FRMD4B: variants seen among roughly 807,000 people sequenced by gnomAD.
FRMD4B encodes FERM domain containing 4B.
Under a neutral mutation model 141.5 loss-of-function variants are expected in FRMD4B, and 74 were observed. The ratio of observed to expected loss-of-function variants is 0.52; its 90% CI spans 0.43 to 0.63. The LOEUF (loss-of-function observed/expected upper bound fraction) is 0.63. Ranked by LOEUF, FRMD4B falls within the 30% of genes least tolerant of loss-of-function variation. The pLI is 0.00. For synonymous variants in FRMD4B, 506 were observed against 467.9 expected, an observed-to-expected ratio of 1.08 and a Z score of -1.05; for missense variants, 1,366 against 1,253.4, an observed-to-expected ratio of 1.09 and a Z score of -1.36.
At chr3:69,197,547 CCAGATGGAAAGAGGAA>C (rs1190703033) in intron 12 of FRMD4B, among the ~76,000 whole-genome samples, 2 of 108,042 alleles carry the variant, frequency 1.9e-5, no homozygotes, top group Non-Finnish European at 2.1e-5. Flanking sequence ...TGCTTGTACA[CCAGATGGAAAGAGGAA>C]AGGGGACGGG....
In FRMD4B at chr3:69,482,278, C is replaced by T. The variant is rs544106270; in HGVS notation, c.-128-49517G>A. Among the ~76,000 whole-genome samples, 3 of 152,188 alleles carry T rather than the reference C, an allele frequency of 2.0e-5. No individual in the cohort carries two copies. The South Asian group carries it at 6.2e-4, about 32-fold the overall frequency. On this transcript the variant is annotated intron_variant, in intron 1 of 5. Transcript: ENST00000459638. The stretch of plus-strand genomic sequence containing the variant: ...AGAGTATTTAAAAAATAACCCTAAA[C>T]AGGCATTGTTGCTGAGAGCTTCTCT...
At chr3:69,461,828 T>A (rs1006814977) in intron 1 of FRMD4B, among the ~76,000 whole-genome samples, 1 of 152,094 alleles carries the variant, frequency 6.6e-6, no homozygotes, top group Non-Finnish European at 1.5e-5. Flanking sequence ...TTTTTACCTG[T>A]TGTCTCTGAG....
chr3:69,428,151 C>T (rs1705117104), intron 2 of FRMD4B, among the ~76,000 whole-genome samples: 1 of 151,808 alleles, frequency 6.6e-6, no homozygotes, highest in African/African-American at 2.4e-5. Flanking sequence ...AATACAGAAG[C>T]TCTTCAGAGC....
intron 1 of FRMD4B, among the ~76,000 whole-genome samples, chr3:69,490,320 T>G (rs1426671211): frequency 6.6e-6 from 1 of 152,244 alleles, no homozygotes; most frequent in Non-Finnish European, 1.5e-5. Context: ...AAAGGGTCTC[T>G]TAATCTTGTT....
upstream of FRMD4B, among the ~76,000 whole-genome samples, chr3:69,387,528 T>C (rs1369843344): frequency 6.6e-6 from 1 of 152,214 alleles, no homozygotes; most frequent in Non-Finnish European, 1.5e-5. Context: ...TGTATTTTCT[T>C]GGCTGTTTCA....
At chr3:69,347,903 T>G (rs1007756369) in intron 1 of FRMD4B, among the ~76,000 whole-genome samples, 2 of 152,162 alleles carry the variant, frequency 1.3e-5, no homozygotes, top group Non-Finnish European at 2.9e-5. Flanking sequence ...TTTGACACCC[T>G]AACATCACAA....
At position 69,470,570 on chromosome 3, in the gene FRMD4B, T is replaced by C. The variant is rs1042131282; in HGVS notation, c.-128-37809A>G. On this transcript the variant is annotated intron_variant, in intron 1 of 5. Transcript: ENST00000459638. ...ACTTGTGGTCTTCAGAGAAAGTTCATTGGTATTAGTAAAGCTCTGGGGAGC... is the reference window on the plus strand; with the variant it reads ...ACTTGTGGTCTTCAGAGAAAGTTCACTGGTATTAGTAAAGCTCTGGGGAGC... Among the ~76,000 whole-genome samples the C allele has an allele frequency of 4.6e-5, 7 of 152,290 alleles. 1 individual carries two copies. Among genetic ancestry groups the C allele is most frequent in the African/African-American group, 1.7e-4 (7 of 41,574 alleles).
At chr3:69,511,669 C>A (rs2107101787) in intron 1 of FRMD4B, among the ~76,000 whole-genome samples, 1 of 152,272 alleles carries the variant, frequency 6.6e-6, no homozygotes, top group East Asian at 1.9e-4. Context: ...CTAAGAACAC[C>A]CCACTGGCAT....
intron 1 of FRMD4B, among the ~76,000 whole-genome samples, chr3:69,480,473 T>G (rs976832108): frequency 3.3e-5 from 5 of 152,208 alleles, no homozygotes; most frequent in African/African-American, 1.2e-4. Flanking sequence ...AGAGGTCCAC[T>G]CCGGACGCTG....
Position 69,181,098 on chromosome 3 carries a change from C to G in FRMD4B, c.2652G>C (p.Glu884Asp), listed in dbSNP as rs1217227612. 6.2e-7 allele frequency: 1 copy of G among 1,613,956 alleles called. No individual in the cohort carries two copies. The highest frequency in any genetic ancestry group is 8.5e-7 in the Non-Finnish European group (1 of 1,179,892). Residue 884 changes from glutamate (E) to aspartate (D), a missense_variant, in exon 21 of 23, where the codon GAG becomes GAC. Glu to Asp is a conservative substitution (Grantham distance 45). Transcript: ENST00000398540. ...CCTTGTGGATGTTTTTGGTGATGTG[C>G]TCCGATTTTGCAGCAGCCTTCCTTG... is the stretch of plus-strand genomic sequence containing the variant. ...RLPRKAAAKSEHITKNIHKAL... is the reference protein window; with the variant it reads ...RLPRKAAAKSDHITKNIHKAL...
chr3:69,540,881 T>C (rs143008921), intron 1 of FRMD4B, among the ~76,000 whole-genome samples: 2 of 151,878 alleles, frequency 1.3e-5, no homozygotes, highest in Non-Finnish European at 1.5e-5. Context: ...TACCACTTCA[T>C]GGATTATGGA....
At chr3:69,350,720 A>G (rs547753611) in intron 1 of FRMD4B, among the ~76,000 whole-genome samples, 4 of 152,026 alleles carry the variant, frequency 2.6e-5, no homozygotes, top group Admixed American at 1.3e-4. Flanking sequence ...AAACTATCGC[A>G]AGGACAAATA....
At chr3:69,451,292 AC>A (rs1705495071) in intron 1 of FRMD4B, among the ~76,000 whole-genome samples, 1 of 152,076 alleles carries the variant, frequency 6.6e-6, no homozygotes, top group Admixed American at 6.5e-5. Flanking sequence ...CAAACAATAA[AC>A]CACTACCTAC....
chr3:69,233,484 A>G (rs2093325023), intron 7 of FRMD4B, among the ~76,000 whole-genome samples: 1 of 145,594 alleles, frequency 6.9e-6, no homozygotes, highest in Admixed American at 6.9e-5. Context: ...CCCTGTCTCA[A>G]AAAAAAAAAA....
chr3:69,477,249 GGAGTGGTGAGA>G (rs1706017692), intron 1 of FRMD4B, among the ~76,000 whole-genome samples: 1 of 151,656 alleles, frequency 6.6e-6, no homozygotes, highest in Non-Finnish European at 1.5e-5. Flanking sequence ...ATGTTGAATA[GGAGTGGTGAGA>G]GAGGGCATCC....
At chr3:69,197,103 T>G in intron 12 of FRMD4B, 65 bp from the exon 13 acceptor site, 1 of 1,367,810 alleles carries the variant, frequency 7.3e-7, no homozygotes, top group South Asian at 1.3e-5. Context: ...AAATGTACCC[T>G]GCGAGCAGCA....
chr3:69,416,496 G>T (rs925685809), intron 2 of FRMD4B, among the ~76,000 whole-genome samples: 4 of 152,108 alleles, frequency 2.6e-5, no homozygotes, highest in Non-Finnish European at 5.9e-5. Context: ...TGGCCAAATT[G>T]TCTTCAGGCT....
intron 4 of FRMD4B, among the ~76,000 whole-genome samples, chr3:69,298,902 G>T (rs1298464630): frequency 1.3e-5 from 2 of 151,820 alleles, no homozygotes; most frequent in Non-Finnish European, 1.5e-5. Flanking sequence ...TTTCCATTAG[G>T]CTGTGTGCTT....
intron 7 of FRMD4B, among the ~76,000 whole-genome samples, chr3:69,248,000 C>A (rs1231833035): frequency 6.6e-6 from 1 of 150,674 alleles, no homozygotes; most frequent in Non-Finnish European, 1.5e-5. Flanking sequence ...CCATGTTGGC[C>A]ACGCTGGTCT....
Sources: allele counts gnomAD v4.1 joint callset (sites outside exome capture counted in the v4.1 genomes callset), GRCh38; gene constraint gnomAD v4.1.1; transcripts MANE v1.5; gene names NCBI Gene and HGNC (gene_info 2026-07-23, HGNC 2026-07-21).